The following SLC39A8 variants were observed in gnomAD, a reference collection of about 807,000 sequenced individuals.
The protein encoded by SLC39A8 is solute carrier family 39 member 8.
In SLC39A8, 15 loss-of-function variants were observed where a neutral mutation model predicts 40.4. That is an observed-to-expected ratio of 0.37 (90% CI 0.25 to 0.57). The LOEUF is 0.57. Among genes scored for constraint, SLC39A8 ranks in the 20% least tolerant of loss-of-function variants. The probability of loss-of-function intolerance (pLI) is 0.75; values close to 1 mark genes in which losing one functional copy is unlikely to be tolerated. For missense variants in SLC39A8, 472 were observed against 558.8 expected, an observed-to-expected ratio of 0.84 and a Z score of 1.57; for synonymous variants, 223 against 221.6, an observed-to-expected ratio of 1.01 and a Z score of -0.06.
At chr4:102,267,799 G>A in intron 7 of SLC39A8, 73 bp downstream of exon 7, 1 of 1,564,950 alleles carries the variant, frequency 6.4e-7, no homozygotes, top group Non-Finnish European at 8.7e-7. Context: ...TTAAGAGCAT[G>A]TCACCTGAAA....
intron 3 of SLC39A8, among the ~76,000 whole-genome samples, chr4:102,309,444 A>G (rs986562113): frequency 2.6e-5 from 4 of 151,962 alleles, no homozygotes; most frequent in Admixed American, 2.0e-4. Context: ...ATTCCCATTT[A>G]TTACCTTATC....
chr4:102,333,895 C>G (rs1434661856), intron 2 of SLC39A8, among the ~76,000 whole-genome samples: 1 of 152,132 alleles, frequency 6.6e-6, no homozygotes, highest in Non-Finnish European at 1.5e-5. Context: ...AATTGAAAAG[C>G]AGCAGCCAGA....
chr4:102,306,002 C>T (rs1293581052), intron 4 of SLC39A8, among the ~76,000 whole-genome samples: 1 of 151,888 alleles, frequency 6.6e-6, no homozygotes, highest in African/African-American at 2.4e-5. Flanking sequence ...TTCTTTGTGC[C>T]TGTTTATACA....
At chr4:102,303,548 GA>G (rs1270510560) in intron 6 of SLC39A8, among the ~76,000 whole-genome samples, 4 of 151,878 alleles carry the variant, frequency 2.6e-5, no homozygotes, top group Non-Finnish European at 5.9e-5. Context: ...AGCCTACAGT[GA>G]AAGAAAAGAA....
exon 12 of SLC39A8, chr4:102,252,946 T>C (rs1731625600): frequency 6.6e-6 from 1 of 151,222 alleles, no homozygotes. Flanking sequence ...GTTGACATTG[T>C]AGATGCATCA....
intron 2 of SLC39A8, among the ~76,000 whole-genome samples, chr4:102,338,627 T>A (rs1735782933): frequency 6.6e-6 from 1 of 152,214 alleles, no homozygotes; most frequent in Non-Finnish European, 1.5e-5. Flanking sequence ...AACTTCTCCC[T>A]GTAGTTCAAA....
At chr4:102,279,805 T>C (rs1450780391) in intron 6 of SLC39A8, among the ~76,000 whole-genome samples, 8 of 152,188 alleles carry the variant, frequency 5.3e-5, no homozygotes, top group Non-Finnish European at 1.0e-4. Context: ...ATGGGAATGA[T>C]ATGGTAGTTG....
intron 2 of SLC39A8, among the ~76,000 whole-genome samples, chr4:102,332,111 G>C (rs1735492164): frequency 6.6e-6 from 1 of 152,170 alleles, no homozygotes. Flanking sequence ...CATGGGCAAA[G>C]ACTTCATGAC....
At position 102,344,143 on chromosome 4, in the gene SLC39A8, G is replaced by C. The variant is rs1291289336; in HGVS notation, c.219+301C>G. On this transcript the variant is annotated intron_variant, in intron 2 of 8. Transcript: ENST00000356736. ...TCTAAAAAGCATCTGTTAAAGTGGC[G>C]TCACACCCTCAACTACTTCATAAAG... Among the ~76,000 whole-genome samples, 3 of 152,210 alleles carry C rather than the reference G, an allele frequency of 2.0e-5. No individual in the cohort carries two copies. The East Asian group carries it at 5.8e-4, about 29-fold the overall frequency.
intron 2 of SLC39A8, among the ~76,000 whole-genome samples, chr4:102,320,202 T>TGTATATATGTATGA (rs1560560882): frequency 3.7e-5 from 5 of 136,784 alleles, no homozygotes; most frequent in African/African-American, 1.1e-4. Flanking sequence ...TATATATATA[T>TGTATATATGTATGA]GTATATATAT....
At chr4:102,326,397 T>C (rs912879025) in intron 2 of SLC39A8, among the ~76,000 whole-genome samples, 2 of 152,096 alleles carry the variant, frequency 1.3e-5, no homozygotes, top group Non-Finnish European at 2.9e-5. Context: ...CCGTCTCTAC[T>C]AAAACTACAA....
rs569420652 is a variant in SLC39A8, at chr4:102,262,726, C to T, written c.*318G>A. 9.7e-7 allele frequency: 1 copy of T among 1,028,156 alleles called. No homozygotes were observed. The highest frequency in any genetic ancestry group is 5.5e-5 in the Admixed American group (1 of 18,146). 63.7% of individuals were successfully genotyped at this position (1,028,156 alleles called of 1,614,324 possible). A position where few individuals can be genotyped will look rare whatever the true frequency, so the allele number is the denominator to read the frequency against. ...ATATAACTTGTATTTTCCCCTGAGTCTGAGTGTCTACATGATTATAGAATG... is the reference window on the plus strand; with the variant it reads ...ATATAACTTGTATTTTCCCCTGAGTTTGAGTGTCTACATGATTATAGAATG... On this transcript the variant is annotated 3_prime_UTR_variant, in exon 9 of 9. Transcript: ENST00000356736.
chr4:102,271,572 A>G (rs1486554218), intron 6 of SLC39A8, among the ~76,000 whole-genome samples: 2 of 152,202 alleles, frequency 1.3e-5, no homozygotes, highest in Non-Finnish European at 2.9e-5. Flanking sequence ...GCCCCCAAAA[A>G]GCTATCACTG....
intron 6 of SLC39A8, among the ~76,000 whole-genome samples, chr4:102,282,419 A>T (rs147807991): frequency 6.6e-6 from 1 of 152,334 alleles, no homozygotes; most frequent in East Asian, 1.9e-4. Flanking sequence ...AAAGTTCATT[A>T]ATCAATTCCA....
intron 2 of SLC39A8, among the ~76,000 whole-genome samples, chr4:102,325,836 T>G (rs1193574803): frequency 6.6e-6 from 1 of 152,238 alleles, no homozygotes; most frequent in Non-Finnish European, 1.5e-5. Context: ...CTTAGAGATT[T>G]TACTAAAGAA....
intron 2 of SLC39A8, among the ~76,000 whole-genome samples, chr4:102,317,574 C>T (rs1433352024): frequency 6.6e-6 from 1 of 152,022 alleles, no homozygotes; most frequent in African/African-American, 2.4e-5. Context: ...TTATTCATCA[C>T]CAGGAAGGCA....
chr4:102,311,898 A>C (rs1230890386), intron 3 of SLC39A8, among the ~76,000 whole-genome samples: 2 of 152,102 alleles, frequency 1.3e-5, no homozygotes, highest in East Asian at 3.9e-4. Context: ...TATATGAAAA[A>C]TCCAGTGCAT....
At chr4:102,289,659 T>A (rs141425159) in intron 6 of SLC39A8, among the ~76,000 whole-genome samples, 57 of 152,228 alleles carry the variant, frequency 3.7e-4, no homozygotes, top group South Asian at 4.1e-4. Flanking sequence ...CCAACCTTCA[T>A]GGATAACTTT....
At chr4:102,266,937 TACACAC>T (rs1270430053) in intron 8 of SLC39A8, among the ~76,000 whole-genome samples, 1 of 152,110 alleles carries the variant, frequency 6.6e-6, no homozygotes, top group Non-Finnish European at 1.5e-5. Flanking sequence ...AACACACACA[TACACAC>T]AGATACAAAG....
Sources: gnomAD v4.1 joint callset for allele counts (sites outside exome capture counted in the v4.1 genomes callset) on GRCh38, gnomAD v4.1.1 for gene constraint, MANE v1.5 for transcripts, NCBI Gene and HGNC (gene_info 2026-07-23, HGNC 2026-07-21) for gene names.